SYTL3: variants seen among roughly 807,000 people sequenced by gnomAD.
The protein encoded by SYTL3 is synaptotagmin like 3, also known as synaptotagmin-like protein 3.
A neutral mutation model predicts 82.1 loss-of-function variants in SYTL3; 88 were observed. The ratio of observed to expected loss-of-function variants is 1.07; its 90% CI spans 0.90 to 1.28. The LOEUF is 1.28. Among genes scored for constraint, SYTL3 ranks in the 50% most tolerant of loss-of-function variants. The pLI, the probability that SYTL3 is intolerant of heterozygous loss-of-function variation, is 0.00. For missense variants in SYTL3, 831 were observed against 757.6 expected, an observed-to-expected ratio of 1.10 and a Z score of -1.14; for synonymous variants, 311 against 289.4, an observed-to-expected ratio of 1.07 and a Z score of -0.76.
At chr6:158,755,897 TGCAG>T (rs1788995455) in intron 13 of SYTL3, among the ~76,000 whole-genome samples, 1 of 152,186 alleles carries the variant, frequency 6.6e-6, no homozygotes. Context: ...GAATCTGGCC[TGCAG>T]TGTCGGCTAC....
Position 158,651,684 on chromosome 6 carries a change from C to T in SYTL3, c.-726-69C>T, listed in dbSNP as rs1788038039. On this transcript the variant is annotated intron_variant, in intron 1 of 17. Transcript: ENST00000611299. ...TTTAAAGTATGAATGCCATGGCTTC[C>T]TATTTCAGTCATGAATTCCTATTTC... 2.0e-5 allele frequency: 3 copies of T among 151,924 alleles called. No homozygotes were observed. In the South Asian group the frequency reaches 6.2e-4, roughly 31 times the overall value. The allele number at this position is 151,924 out of a possible 1,614,324, so 9.4% of individuals were successfully genotyped here.
chr6:158,762,216 T>C, intron 16 of SYTL3, 38 bp downstream of exon 16: 2 of 1,457,952 alleles, frequency 1.4e-6, no homozygotes, highest in Non-Finnish European at 1.9e-6. Context: ...ATTGGTGATC[T>C]AGTATACATC....
chr6:158,756,829 G>A (rs931716599), intron 13 of SYTL3, among the ~76,000 whole-genome samples: 1 of 147,206 alleles, frequency 6.8e-6, no homozygotes, highest in Non-Finnish European at 1.5e-5. Context: ...AATCCTGTGC[G>A]AGCATAGACT....
At chr6:158,665,341 C>A in intron 4 of SYTL3, 54 bp from the exon 5 acceptor site, 1 of 1,519,384 alleles carries the variant, frequency 6.6e-7, no homozygotes, top group Non-Finnish European at 8.9e-7. Context: ...TGCCCTATAG[C>A]CTGGGGTCAG....
intron 11 of SYTL3, among the ~76,000 whole-genome samples, chr6:158,739,189 C>G (rs1425353199): frequency 6.6e-6 from 1 of 152,210 alleles, no homozygotes; most frequent in Non-Finnish European, 1.5e-5. Context: ...ATTGTAACTA[C>G]TTTTTTCTCC....
At chr6:158,757,948 G>C (rs919239548) in intron 14 of SYTL3, among the ~76,000 whole-genome samples, 2 of 152,172 alleles carry the variant, frequency 1.3e-5, no homozygotes, top group Non-Finnish European at 2.9e-5. Flanking sequence ...GGCTGGGGGT[G>C]GGTCAGAGGA....
intron 6 of SYTL3, among the ~76,000 whole-genome samples, chr6:158,695,594 G>T (rs117930950): frequency 1.3e-5 from 2 of 152,030 alleles, no homozygotes; most frequent in Admixed American, 1.3e-4. Context: ...AAGTTCATTG[G>T]CATTAAGTAT....
Position 158,764,778 on chromosome 6 carries a change from T to G in SYTL3, c.*174T>G. 1.9e-6 allele frequency: 1 copy of G among 535,430 alleles called. No homozygotes were observed. Among genetic ancestry groups the G allele is most frequent in the Non-Finnish European group, 3.3e-6 (1 of 298,652 alleles). The allele number at this position is 535,430 out of a possible 1,614,324, so 33.2% of individuals were successfully genotyped here. A position where few individuals can be genotyped will look rare whatever the true frequency, so the allele number is the denominator to read the frequency against. On this transcript the variant is annotated 3_prime_UTR_variant, in exon 18 of 18. Transcript: ENST00000611299. Reference sequence around the variant, plus strand: ...TATTGGTATCTGTGTATATTTACGTTAAACACAATTATGTTACCTAAGCCT... The same window carrying G: ...TATTGGTATCTGTGTATATTTACGTGAAACACAATTATGTTACCTAAGCCT...
intron 12 of SYTL3, among the ~76,000 whole-genome samples, chr6:158,747,350 A>T (rs1221812819): frequency 6.6e-6 from 1 of 151,644 alleles, no homozygotes; most frequent in Non-Finnish European, 1.5e-5. Context: ...TAAAAATTTA[A>T]TTAATTAAAA....
chr6:158,670,336 G>A (rs776057496), intron 5 of SYTL3, among the ~76,000 whole-genome samples: 1 of 152,224 alleles, frequency 6.6e-6, no homozygotes, highest in Non-Finnish European at 1.5e-5. Flanking sequence ...TGCTAACTCT[G>A]TAAAAGATTG....
chr6:158,656,794 GTGT>G (rs944036218), intron 2 of SYTL3, among the ~76,000 whole-genome samples: 3 of 152,148 alleles, frequency 2.0e-5, no homozygotes, highest in Non-Finnish European at 4.4e-5. Flanking sequence ...CACAAACCTG[GTGT>G]TGTGTGGTGA....
intron 11 of SYTL3, among the ~76,000 whole-genome samples, chr6:158,736,481 A>G (rs960452080): frequency 6.6e-6 from 1 of 150,484 alleles, no homozygotes; most frequent in Non-Finnish European, 1.5e-5. Context: ...TGTTTGGGGG[A>G]TATATTCATG....
At chr6:158,701,189 T>A (rs1583287627) in intron 6 of SYTL3, among the ~76,000 whole-genome samples, 1 of 111,432 alleles carries the variant, frequency 9.0e-6, no homozygotes, top group African/African-American at 3.7e-5. Flanking sequence ...AGCTGGGGTG[T>A]AGATGAAGGA....
chr6:158,715,978 G>C (rs779810253), intron 9 of SYTL3, among the ~76,000 whole-genome samples: 1 of 152,164 alleles, frequency 6.6e-6, no homozygotes, highest in Non-Finnish European at 1.5e-5. Flanking sequence ...AGGGACTGTA[G>C]AGGGCCCCAG....
At chr6:158,674,900 G>A (rs753961623) in intron 5 of SYTL3, among the ~76,000 whole-genome samples, 2 of 148,590 alleles carry the variant, frequency 1.3e-5, no homozygotes, top group East Asian at 4.0e-4. Context: ...CCTCCCTGTT[G>A]TCTCCCCTCC....
intron 6 of SYTL3, among the ~76,000 whole-genome samples, chr6:158,704,145 T>C (rs1355923113): frequency 4.6e-5 from 5 of 108,822 alleles, no homozygotes; most frequent in African/African-American, 2.1e-4. Flanking sequence ...CATTTTTAAA[T>C]GGTTAAAAAA....
At chr6:158,691,253 A>C (rs1779830431) in intron 6 of SYTL3, among the ~76,000 whole-genome samples, 1 of 152,096 alleles carries the variant, frequency 6.6e-6, no homozygotes, top group South Asian at 2.1e-4. Flanking sequence ...GGGTTGAGGC[A>C]GGAGAATCGC....
At chr6:158,692,024 G>A (rs1455387405) in intron 6 of SYTL3, among the ~76,000 whole-genome samples, 1 of 146,016 alleles carries the variant, frequency 6.8e-6, no homozygotes, top group Admixed American at 6.8e-5. Flanking sequence ...TTGGGAGGCC[G>A]AGGCGGGCGG....
intron 11 of SYTL3, among the ~76,000 whole-genome samples, chr6:158,744,956 C>T (rs1787425343): frequency 6.6e-6 from 1 of 152,138 alleles, no homozygotes; most frequent in Non-Finnish European, 1.5e-5. Context: ...TGGGTGCACA[C>T]TTTACTTGCT....
Sources: allele counts gnomAD v4.1 joint callset (sites outside exome capture counted in the v4.1 genomes callset), GRCh38; gene constraint gnomAD v4.1.1; transcripts MANE v1.5; gene names NCBI Gene and HGNC (gene_info 2026-07-23, HGNC 2026-07-21).